IL1RAPL2: variants seen among roughly 807,000 people sequenced by gnomAD.
IL1RAPL2 encodes X-linked interleukin-1 receptor accessory protein-like 2.
IL1RAPL2 carries 3 observed loss-of-function variants against 44.1 expected under a neutral mutation model. The ratio of observed to expected loss-of-function variants is 0.07; its 90% confidence interval spans 0.03 to 0.18. IL1RAPL2 has a LOEUF of 0.18. Among genes scored for constraint, IL1RAPL2 ranks in the 10% least tolerant of loss-of-function variants. The pLI, the probability that IL1RAPL2 is intolerant of heterozygous loss-of-function variation, is 1.00. For synonymous variants in IL1RAPL2, 181 were observed against 178.8 expected, an observed-to-expected ratio of 1.01 and a Z score of -0.10; for missense variants, 391 against 496.4, an observed-to-expected ratio of 0.79 and a Z score of 2.02.
intron 2 of IL1RAPL2, among the ~76,000 whole-genome samples, chrX:104,972,941 C>T (rs755442207): frequency 3.6e-5 from 4 of 111,835 alleles, no homozygotes; most frequent in Non-Finnish European, 7.5e-5. Context: ...TCTCTTTGTG[C>T]CTGTGACTCA....
chrX:104,754,877 A>G (rs1932318006), intron 2 of IL1RAPL2, among the ~76,000 whole-genome samples: 1 of 111,564 alleles, frequency 9.0e-6, no homozygotes, highest in Non-Finnish European at 1.9e-5. Context: ...GAGTTTCATT[A>G]GCTAATTGGT....
chrX:105,695,277 A>G (rs1030724073), intron 6 of IL1RAPL2, among the ~76,000 whole-genome samples: 2 of 112,094 alleles, frequency 1.8e-5, no homozygotes, highest in Non-Finnish European at 3.8e-5. Flanking sequence ...GAGGTAGTTA[A>G]GCAACAAAAA....
At position 105,570,217 on chromosome X, in the gene IL1RAPL2, G is replaced by A. The variant is rs562038073; in HGVS notation, c.772+85830G>A. Among the ~76,000 whole-genome samples, 19 of 111,439 alleles carry A rather than the reference G, an allele frequency of 1.7e-4. 1 individual carries two copies. The South Asian group carries it at 6.4e-3, about 37-fold the overall frequency. ...TCACTTATAAGTGAGAACATACAATGTTTGCTTTTCCATTCCTGAGTTACT... is the reference window on the plus strand; with the variant it reads ...TCACTTATAAGTGAGAACATACAATATTTGCTTTTCCATTCCTGAGTTACT... On this transcript the variant is annotated intron_variant, in intron 6 of 10. Coordinates refer to ENST00000372582, the MANE Select transcript of IL1RAPL2 (RefSeq NM_017416.2).
intron 6 of IL1RAPL2, among the ~76,000 whole-genome samples, chrX:105,602,323 C>G (rs968620116): frequency 1.8e-5 from 2 of 109,929 alleles, no homozygotes; most frequent in Non-Finnish European, 3.8e-5. Flanking sequence ...CAAGCACTAG[C>G]TCACATGGCA....
At chrX:105,425,821 T>TA (rs111404739) in intron 5 of IL1RAPL2, among the ~76,000 whole-genome samples, 6,507 of 108,473 alleles carry the variant, frequency 0.06, 491 homozygotes, top group African/African-American at 0.21. Context: ...TAGTTTATTT[T>TA]AAAAAAATGC....
intron 2 of IL1RAPL2, among the ~76,000 whole-genome samples, chrX:105,162,309 T>C (rs931014528): frequency 1.8e-5 from 2 of 111,927 alleles, no homozygotes; most frequent in Admixed American, 1.9e-4. Context: ...TAAGGCCCCA[T>C]AGAAATGGAA....
At chrX:105,724,079 G>C (rs2038330349) in intron 7 of IL1RAPL2, among the ~76,000 whole-genome samples, 1 of 111,484 alleles carries the variant, frequency 9.0e-6, no homozygotes, top group Non-Finnish European at 1.9e-5. Context: ...TTCCCCAGAA[G>C]CACTGGGTCT....
At chrX:104,891,662 T>A (rs1374761578) in intron 2 of IL1RAPL2, among the ~76,000 whole-genome samples, 1 of 112,473 alleles carries the variant, frequency 8.9e-6, no homozygotes, top group African/African-American at 3.2e-5. Flanking sequence ...GAGACTTTGC[T>A]GAAGTTGCTT....
intron 5 of IL1RAPL2, among the ~76,000 whole-genome samples, chrX:105,440,628 T>C (rs1449374898): frequency 8.9e-6 from 1 of 112,189 alleles, no homozygotes; most frequent in Non-Finnish European, 1.9e-5. Flanking sequence ...GAGAAAAATA[T>C]CACCAACTGC....
chrX:105,485,472 A>C (rs2036259338), intron 6 of IL1RAPL2, among the ~76,000 whole-genome samples: 1 of 110,835 alleles, frequency 9.0e-6, no homozygotes, highest in Non-Finnish European at 1.9e-5. Context: ...TCCGGTTATA[A>C]TATTTTAGTT....
At position 104,953,288 on chromosome X, in the gene IL1RAPL2, T is replaced by C. The variant is rs190475770; in HGVS notation, c.83-242187T>C. ...CATATTTACAGTGTGCTGAGTACTC[T>C]TATAGAAGAAAACACAGTTGCTGTG... On this transcript the variant is annotated intron_variant, in intron 2 of 10. Transcript: ENST00000372582. Among the ~76,000 whole-genome samples, 66 of 111,878 alleles carry C rather than the reference T, an allele frequency of 5.9e-4. 1 individual carries two copies. Among genetic ancestry groups the C allele is most frequent in the African/African-American group, 2.1e-3 (64 of 30,879 alleles).
intron 6 of IL1RAPL2, among the ~76,000 whole-genome samples, chrX:105,564,068 G>C (rs2036957936): frequency 9.0e-6 from 1 of 111,553 alleles, no homozygotes; most frequent in African/African-American, 3.3e-5. Context: ...GTTGTTCTCT[G>C]CTTCATAGAT....
At chrX:105,420,153 T>C (rs900837383) in intron 5 of IL1RAPL2, among the ~76,000 whole-genome samples, 1 of 110,889 alleles carries the variant, frequency 9.0e-6, no homozygotes, top group Non-Finnish European at 1.9e-5. Context: ...ACTGATTTTC[T>C]AACCTGCTTT....
chrX:104,802,194 A>C (rs60436500), intron 2 of IL1RAPL2, among the ~76,000 whole-genome samples: 5,968 of 109,880 alleles, frequency 0.054, 430 homozygotes, highest in African/African-American at 0.19. Flanking sequence ...AAAATACAAA[A>C]TTTAGCCGGG....
At chrX:105,028,446 G>A (rs749860553) in intron 2 of IL1RAPL2, among the ~76,000 whole-genome samples, 5 of 111,310 alleles carry the variant, frequency 4.5e-5, no homozygotes, top group Middle Eastern at 4.6e-3. Context: ...CATGTATCCC[G>A]TAAGTATATA....
Position 105,642,674 on chromosome X carries a change from C to T in IL1RAPL2, c.773-74693C>T, listed in dbSNP as rs930776215. Reference sequence around the variant, plus strand: ...GAATTTCTACTCTATTCACTTGTAACTGCCTGTTAAGCAATCAGTGAATCC... The same window carrying T: ...GAATTTCTACTCTATTCACTTGTAATTGCCTGTTAAGCAATCAGTGAATCC... On this transcript the variant is annotated intron_variant, in intron 6 of 10. Coordinates refer to ENST00000372582, the MANE Select transcript of IL1RAPL2 (RefSeq NM_017416.2). Among the ~76,000 whole-genome samples, 5 of 112,305 alleles carry T rather than the reference C, an allele frequency of 4.5e-5. No individual in the cohort carries two copies. In the East Asian group the frequency reaches 1.4e-3, roughly 31 times the overall value.
At chrX:104,678,718 G>A (rs1432711311) in intron 2 of IL1RAPL2, among the ~76,000 whole-genome samples, 2 of 111,704 alleles carry the variant, frequency 1.8e-5, no homozygotes, top group African/African-American at 6.5e-5. Context: ...CTTAGAATTA[G>A]TTCAATTGTT....
chrX:105,574,949 T>C (rs1221442809), intron 6 of IL1RAPL2, among the ~76,000 whole-genome samples: 2 of 111,460 alleles, frequency 1.8e-5, no homozygotes, highest in African/African-American at 6.5e-5. Context: ...ATTAAGCAAA[T>C]CACCCATTAG....
chrX:105,149,785 G>A (rs1183517548), intron 2 of IL1RAPL2, among the ~76,000 whole-genome samples: 2 of 110,485 alleles, frequency 1.8e-5, no homozygotes, highest in Non-Finnish European at 3.8e-5. Flanking sequence ...AATGAGCCAA[G>A]ATCATGCCAC....
Sources: gnomAD v4.1 joint callset for allele counts (sites outside exome capture counted in the v4.1 genomes callset) on GRCh38, gnomAD v4.1.1 for gene constraint, MANE v1.5 for transcripts, NCBI Gene and HGNC (gene_info 2026-07-23, HGNC 2026-07-21) for gene names.